SEMA3G: variants seen among roughly 807,000 people sequenced by gnomAD.
The protein encoded by SEMA3G is semaphorin 3G.
In SEMA3G, 70 loss-of-function variants were observed where a neutral mutation model predicts 86.2. That is an observed-to-expected ratio of 0.81 (90% confidence interval 0.67 to 0.99). SEMA3G has a LOEUF of 0.99. Among genes scored for constraint, SEMA3G ranks in the 50% least tolerant of loss-of-function variants. The pLI, the probability that SEMA3G is intolerant of heterozygous loss-of-function variation, is 0.00. For synonymous variants in SEMA3G, 416 were observed against 441.4 expected (o/e 0.94, Z 0.72); for missense variants, 1,002 against 1,072.4 (o/e 0.93, Z 0.92).
At chr3:52,444,867 A>T (rs1267693479) in intron 1 of SEMA3G, 46 bp downstream of exon 1, 2 of 1,274,242 alleles carry the variant, frequency 1.6e-6, no homozygotes, top group East Asian at 6.3e-5. Context: ...GCGCACACAC[A>T]CAAACAGGGC....
rs143334628 is a variant in SEMA3G at position 52,435,823 on chromosome 3, A to G, written c.2129T>C (p.Ile710Thr). The change falls in exon 16 of 16, where the codon ATC becomes ACC. Residue 710 changes from isoleucine to threonine, a missense_variant. Coordinates refer to ENST00000231721, the MANE Select transcript of SEMA3G (RefSeq NM_020163.3). Reference protein sequence around the residue: ...STPPKAWYKDILQLIGFANLP... With the variant: ...STPPKAWYKDTLQLIGFANLP... ...GTTGGCGAAGCCAATGAGCTGCAGGATGTCCTTGTACCAGGCCTTGGGTGG... is the reference window on the plus strand; with the variant it reads ...GTTGGCGAAGCCAATGAGCTGCAGGGTGTCCTTGTACCAGGCCTTGGGTGG... 1 of 1,613,908 alleles carries G rather than the reference A, an allele frequency of 6.2e-7. No homozygotes were observed. The highest frequency in any genetic ancestry group is 1.7e-5 in the Admixed American group (1 of 60,012).
At chr3:52,443,458 A>G (rs1209758732) in intron 1 of SEMA3G, among the ~76,000 whole-genome samples, 5 of 152,120 alleles carry the variant, frequency 3.3e-5, no homozygotes, top group Non-Finnish European at 7.4e-5. Context: ...GATGCTGGCT[A>G]TCCCACCCCA....
At chr3:52,439,527 ATC>A (rs1706106132) in intron 12 of SEMA3G, among the ~76,000 whole-genome samples, 151 bp downstream of exon 12, 1 of 152,062 alleles carries the variant, frequency 6.6e-6, no homozygotes, top group East Asian at 1.9e-4. Flanking sequence ...GAGGGGGGGC[ATC>A]TCTTTCTGCA....
intron 15 of SEMA3G, 21 bp from the exon 16 acceptor site, chr3:52,436,094 C>G (rs370902272): frequency 1.3e-6 from 2 of 1,589,874 alleles, no homozygotes; most frequent in South Asian, 2.3e-5. Context: ...GGCGGGAGGG[C>G]GTGAGTAGGG....
chr3:52,444,799 G>A lies in SEMA3G; in HGVS notation c.115+114C>T, dbSNP rs141482538. On this transcript the variant is annotated intron_variant, in intron 1 of 15. Transcript: ENST00000231721. ...AAACACTGCACATGCACACAAACAC[G>A]GCACACGCACCCAAACAGGGCACAT... is the stretch of plus-strand genomic sequence containing the variant. The A allele has an allele frequency of 3.0e-4, 119 of 401,844 alleles. 3 individuals are homozygous for A. The highest frequency in any genetic ancestry group is 3.0e-3 in the Admixed American group (59 of 19,928). 24.9% of individuals were successfully genotyped at this position (401,844 alleles called of 1,614,324 possible).
chr3:52,436,790 C>T (rs1166138230), intron 15 of SEMA3G, among the ~76,000 whole-genome samples: 1 of 152,190 alleles, frequency 6.6e-6, no homozygotes, highest in Non-Finnish European at 1.5e-5. Context: ...TGTGAAACAC[C>T]ATCTTGTTGC....
chr3:52,443,395 AGG>A (rs1341319892), intron 1 of SEMA3G, among the ~76,000 whole-genome samples: 2 of 152,164 alleles, frequency 1.3e-5, no homozygotes, highest in Non-Finnish European at 2.9e-5. Flanking sequence ...ATGGCCGGGA[AGG>A]GCTCCCACCT....
At chr3:52,438,768 C>G in intron 13 of SEMA3G, 152 bp downstream of exon 13, 1 of 1,477,788 alleles carries the variant, frequency 6.8e-7, no homozygotes, top group Admixed American at 2.5e-5. Context: ...TGCCCACTGG[C>G]CACTTGTTGC....
At chr3:52,436,727 T>C (rs1706055501) in intron 15 of SEMA3G, among the ~76,000 whole-genome samples, 1 of 152,218 alleles carries the variant, frequency 6.6e-6, no homozygotes, top group Non-Finnish European at 1.5e-5. Flanking sequence ...GTGTGGGTTT[T>C]AGTCTGCACA....
chr3:52,438,908 A>G lies in SEMA3G; in HGVS notation c.1509+12T>C, dbSNP rs1706096028. On this transcript the variant is annotated intron_variant, in intron 13 of 15. Transcript: ENST00000231721. ...AAGGGGGGTCCAAGAGGAGGGTGGCAGCTGTTCTTACCCTTTTGACAGAGA... is the reference window on the plus strand; with the variant it reads ...AAGGGGGGTCCAAGAGGAGGGTGGCGGCTGTTCTTACCCTTTTGACAGAGA... 6.2e-7 allele frequency: 1 copy of G among 1,613,072 alleles called. No homozygotes were observed. The highest frequency in any genetic ancestry group is 8.5e-7 in the Non-Finnish European group (1 of 1,179,484).
chr3:52,438,545 A>G, intron 13 of SEMA3G: 1 of 985,486 alleles, frequency 1.0e-6, no homozygotes, highest in Non-Finnish European at 1.2e-6. Flanking sequence ...CCCTTGCACG[A>G]AAGTTAGGAT....
rs1706238265 is a variant in SEMA3G at position 52,444,937 on chromosome 3, G to A, written c.91C>T (p.Pro31Ser). 1.5e-6 allele frequency: 2 copies of A among 1,304,138 alleles called. No individual in the cohort carries two copies. Among genetic ancestry groups the A allele is most frequent in the Non-Finnish European group, 2.0e-6 (2 of 1,021,578 alleles). 80.8% of individuals were successfully genotyped at this position (1,304,138 alleles called of 1,614,324 possible). A position where few individuals can be genotyped will look rare whatever the true frequency, so the allele number is the denominator to read the frequency against. Reference sequence around the variant, plus strand: ...CCTCGGTAGGAGAGCCGCAGGCGGGGCACACTGGGGCCGGGGCTGGGGCCA... The same window carrying A: ...CCTCGGTAGGAGAGCCGCAGGCGGGACACACTGGGGCCGGGGCTGGGGCCA... Reference protein sequence around the residue: ...SSGPSPGPSVPRLRLSYRDLL... With the variant: ...SSGPSPGPSVSRLRLSYRDLL... Residue 31 changes from proline (P) to serine (S), a missense_variant, in exon 1 of 16, where the codon CCC (proline) becomes TCC (serine). By Grantham distance (74) the Pro-to-Ser change is moderately conservative. Coordinates refer to ENST00000231721, the MANE Select transcript of SEMA3G (RefSeq NM_020163.3).
chr3:52,438,880 C>A (rs1405321671), intron 13 of SEMA3G, 40 bp downstream of exon 13: 4 of 1,610,378 alleles, frequency 2.5e-6, no homozygotes, highest in Non-Finnish European at 2.5e-6. Context: ...GGAGCAGGGG[C>A]AGAAGGGGGG....
At chr3:52,437,341 G>A (rs1706063792) in intron 15 of SEMA3G, among the ~76,000 whole-genome samples, 186 bp downstream of exon 15, 1 of 152,168 alleles carries the variant, frequency 6.6e-6, no homozygotes, top group Non-Finnish European at 1.5e-5. Context: ...TCTGGCCTGG[G>A]CATTCCCAAA....
At position 52,445,019 on chromosome 3, in the gene SEMA3G, G is replaced by GCAA. The variant is rs1706241204; in HGVS notation, c.8_9insTTG (p.Pro3_Ser4insCys). 1 of 1,281,574 alleles carries GCAA rather than the reference G, an allele frequency of 7.8e-7. No homozygotes were observed. The highest frequency in any genetic ancestry group is 9.9e-7 in the Non-Finnish European group (1 of 1,008,494). The allele number at this position is 1,281,574 out of a possible 1,614,324, so 79.4% of individuals were successfully genotyped here. On this transcript the variant is annotated inframe_insertion, in exon 1 of 16. Transcript: ENST00000231721. ...GCAGCCAGCAAATGGCCCAGGCCGA[G>GCAA]GGGGCCATGCTGGGGAACTGAGGGC...
chr3:52,440,380 G>T lies in SEMA3G; in HGVS notation c.1140C>A (p.Gly380=). The change falls in exon 10 of 16, where the codon GGC becomes GGA. Residue 380 remains glycine, a synonymous_variant. Transcript: ENST00000231721. ...YGGKVPFPRP[G]VCPSKMTAQP... ...CCTGGCCCCAGCAGATACTCACCAC[G>T]CCAGGGCGAGGGAAGGGCACCTTGC... 1.2e-6 allele frequency: 2 copies of T among 1,601,680 alleles called. No individual in the cohort carries two copies. The highest frequency in any genetic ancestry group is 1.7e-6 in the Non-Finnish European group (2 of 1,175,486).
rs991671550 is a variant in SEMA3G, at chr3:52,442,486, C to T, written c.339+73G>A. The stretch of plus-strand genomic sequence containing the variant: ...ATGCCCCTGGTAGAGGTACCTGGGG[C>T]GTGGTCACGGATTGTCCTGGGGGTC... On this transcript the variant is annotated intron_variant, in intron 3 of 15. Transcript: ENST00000231721. This position sits in a 1 kb window ranked among gnomAD's most constrained non-coding sequence, Gnocchi z 6.1. 68 of 1,546,148 alleles carry T rather than the reference C, an allele frequency of 4.4e-5. No homozygotes were observed. The highest frequency in any genetic ancestry group is 5.5e-5 in the Non-Finnish European group (62 of 1,119,842).
chr3:52,435,906 C>G lies in SEMA3G; in HGVS notation c.2046G>C (p.Leu682=). 4 of 1,614,032 alleles carry G rather than the reference C, an allele frequency of 2.5e-6. No homozygotes were observed. The highest frequency in any genetic ancestry group is 3.4e-6 in the Non-Finnish European group (4 of 1,180,034). ...VVIVASQLDN[L]FPPEPKPEEP... is the part of the protein sequence containing the mutation. ...CCTCTGGCTTTGGCTCCGGAGGGAA[C>G]AGGTTGTCCAGCTGTGAGGCCACAA... The change falls in exon 16 of 16, where the codon CTG becomes CTC. Residue 682 remains leucine, a synonymous_variant. Transcript: ENST00000231721.
chr3:52,442,502 C>T lies in SEMA3G; in HGVS notation c.339+57G>A. On this transcript the variant is annotated intron_variant, in intron 3 of 15. Coordinates refer to ENST00000231721, the MANE Select transcript of SEMA3G (RefSeq NM_020163.3). The surrounding 1 kb of genome is among the most constrained non-coding windows in gnomAD (Gnocchi z 6.1). ...TACCTGGGGCGTGGTCACGGATTGT[C>T]CTGGGGGTCAGGGCAGGGTGTCAGG... The T allele has an allele frequency of 1.3e-6, 2 of 1,596,328 alleles. No individual in the cohort carries two copies. Among genetic ancestry groups the T allele is most frequent in the Non-Finnish European group, 1.7e-6 (2 of 1,164,224 alleles).
Sources: gnomAD v4.1 joint callset for allele counts (sites outside exome capture counted in the v4.1 genomes callset) on GRCh38, gnomAD v4.1.1 for gene constraint, Gnocchi (gnomAD v3.1) non-coding constraint, MANE v1.5 for transcripts, NCBI Gene and HGNC (gene_info 2026-07-23, HGNC 2026-07-21) for gene names.